The following SLC35F2 variants were observed in gnomAD, a reference collection of about 807,000 sequenced individuals.
The protein encoded by SLC35F2 is queuine/queuosine transporter SLC35F2.
A neutral mutation model predicts 38.1 loss-of-function variants in SLC35F2; 25 were observed. The ratio of observed to expected loss-of-function variants is 0.66; its 90% CI spans 0.48 to 0.92. SLC35F2 has a LOEUF of 0.92. Among genes scored for constraint, SLC35F2 ranks in the 40% least tolerant of loss-of-function variants. The pLI is 0.00. For synonymous variants in SLC35F2, 173 were observed against 181.7 expected (o/e 0.95, Z 0.38); for missense variants, 409 against 452.9 (o/e 0.90, Z 0.88).
At chr11:107,820,729 G>A (rs1859655376) in intron 1 of SLC35F2, among the ~76,000 whole-genome samples, 1 of 152,158 alleles carries the variant, frequency 6.6e-6, no homozygotes, top group Non-Finnish European at 1.5e-5. Flanking sequence ...GCTGAGGCGG[G>A]CGGATCACTT....
At chr11:107,855,151 C>T (rs1860256294) in intron 1 of SLC35F2, among the ~76,000 whole-genome samples, 2 of 152,110 alleles carry the variant, frequency 1.3e-5, no homozygotes, top group African/African-American at 4.8e-5. Context: ...CTTTAATTAA[C>T]AAAAGAGCCC....
chr11:107,851,419 C>T (rs1272922438), intron 1 of SLC35F2, among the ~76,000 whole-genome samples: 2 of 149,330 alleles, frequency 1.3e-5, no homozygotes, highest in South Asian at 2.1e-4. Context: ...CTGGAGATTG[C>T]GCCATTCCAC....
At chr11:107,844,652 A>G (rs1164399893) in intron 1 of SLC35F2, among the ~76,000 whole-genome samples, 2 of 149,638 alleles carry the variant, frequency 1.3e-5, no homozygotes, top group African/African-American at 2.5e-5. Context: ...AAATAAATAA[A>G]TAAATAAATA....
chr11:107,851,150 C>G (rs1009648815), intron 1 of SLC35F2, among the ~76,000 whole-genome samples: 1 of 151,936 alleles, frequency 6.6e-6, no homozygotes, highest in Non-Finnish European at 1.5e-5. Context: ...GTAGTCCCAG[C>G]TACTCAGGAG....
chr11:107,815,461 G>C (rs1859555096), intron 2 of SLC35F2, among the ~76,000 whole-genome samples: 1 of 151,632 alleles, frequency 6.6e-6, no homozygotes, highest in South Asian at 2.1e-4. Flanking sequence ...GGGAGGCTGA[G>C]GTAATTGGAT....
chr11:107,803,377 A>C, intron 6 of SLC35F2: 1 of 985,384 alleles, frequency 1.0e-6, no homozygotes, highest in Non-Finnish European at 1.2e-6. Context: ...AAATCCAACA[A>C]GGTATTGGAT....
chr11:107,825,361 C>CTTTTTTTTTT (rs112751391), intron 1 of SLC35F2, among the ~76,000 whole-genome samples: 12 of 123,594 alleles, frequency 9.7e-5, no homozygotes, highest in Non-Finnish European at 1.0e-4. Flanking sequence ...GCATTTCTTT[C>CTTTTTTTTTT]TTTTTTTTTT....
At chr11:107,843,855 AAAAAAAAAAAAAAATATATATATAT>A (rs67264554) in intron 1 of SLC35F2, among the ~76,000 whole-genome samples, 2,235 of 37,152 alleles carry the variant, frequency 0.06, 59 homozygotes, top group Non-Finnish European at 0.076. Context: ...TTAAAAAAAA[AAAAAAAAAAAAAAATATATATATAT>A]ATATATATAT....
chr11:107,796,443 G>C (rs1648509761), intron 7 of SLC35F2, among the ~76,000 whole-genome samples: 2 of 152,130 alleles, frequency 1.3e-5, no homozygotes, highest in African/African-American at 2.4e-5. Flanking sequence ...ATACTATTCA[G>C]CCACAAAAAA....
chr11:107,803,471 A>G (rs1859346110), intron 6 of SLC35F2: 2 of 980,408 alleles, frequency 2.0e-6, no homozygotes, highest in Non-Finnish European at 2.4e-6. Flanking sequence ...CAGGACAGCG[A>G]TGCCTGTGAT....
intron 1 of SLC35F2, chr11:107,840,526 C>T (rs1324101497): frequency 1.3e-5 from 2 of 152,216 alleles, no homozygotes; most frequent in African/African-American, 4.8e-5. Flanking sequence ...AAACAAAAAT[C>T]GCTTTCAACA....
intron 1 of SLC35F2, among the ~76,000 whole-genome samples, chr11:107,830,611 A>G (rs1288192475): frequency 8.6e-5 from 13 of 151,814 alleles, no homozygotes; most frequent in Admixed American, 8.5e-4. Flanking sequence ...AAAAGAAAAA[A>G]AAAGAGAACA....
chr11:107,806,261 G>T (rs1859387777), intron 4 of SLC35F2, among the ~76,000 whole-genome samples: 1 of 152,118 alleles, frequency 6.6e-6, no homozygotes, highest in East Asian at 1.9e-4. Context: ...TCATTGAAGG[G>T]GTAGGTCAAT....
chr11:107,836,846 G>C (rs1398823373), intron 1 of SLC35F2, among the ~76,000 whole-genome samples: 2 of 152,162 alleles, frequency 1.3e-5, no homozygotes, highest in Non-Finnish European at 2.9e-5. Flanking sequence ...AATATACAAA[G>C]TCAACAATGC....
chr11:107,846,473 G>C (rs1860106398), intron 1 of SLC35F2, among the ~76,000 whole-genome samples: 1 of 151,992 alleles, frequency 6.6e-6, no homozygotes, highest in African/African-American at 2.4e-5. Context: ...TCCAGGATTA[G>C]TTGCAAATGG....
At chr11:107,828,203 G>A (rs986346874) in intron 1 of SLC35F2, among the ~76,000 whole-genome samples, 2 of 152,180 alleles carry the variant, frequency 1.3e-5, no homozygotes, top group Non-Finnish European at 2.9e-5. Context: ...CTGGGAGGCT[G>A]AGGCAGGTGG....
chr11:107,804,405 G>A (rs868201811), intron 6 of SLC35F2, among the ~76,000 whole-genome samples: 28 of 152,248 alleles, frequency 1.8e-4, no homozygotes, highest in Middle Eastern at 6.8e-3. Flanking sequence ...GACAACCTTC[G>A]CAAGAAGTTT....
intron 1 of SLC35F2, among the ~76,000 whole-genome samples, chr11:107,844,938 G>A (rs1286410618): frequency 6.8e-6 from 1 of 147,904 alleles, no homozygotes; most frequent in African/African-American, 2.5e-5. Flanking sequence ...ATCACGTCAC[G>A]GCACTCCAGC....
chr11:107,796,337 T>C (rs1859217379), intron 7 of SLC35F2, among the ~76,000 whole-genome samples: 1 of 152,184 alleles, frequency 6.6e-6, no homozygotes, highest in African/African-American at 2.4e-5. Flanking sequence ...ATCTGTTTAT[T>C]GCAGCACTAT....
Sources: allele counts gnomAD v4.1 joint callset (sites outside exome capture counted in the v4.1 genomes callset), GRCh38; gene constraint gnomAD v4.1.1; transcripts MANE v1.5; gene names NCBI Gene and HGNC (gene_info 2026-07-23, HGNC 2026-07-21).